The following FAM120A variants were observed in gnomAD, a reference collection of about 807,000 sequenced individuals.
FAM120A encodes constitutive coactivator of PPAR-gamma-like protein 1.
FAM120A carries 15 observed loss-of-function variants against 109.7 expected under a neutral mutation model. The observed-to-expected ratio is 0.14, with a 90% CI of 0.09 to 0.21. FAM120A has a LOEUF of 0.21. FAM120A is among the 10% of genes least tolerant of loss of function. The probability of loss-of-function intolerance (pLI) is 1.00; values close to 1 mark genes in which losing one functional copy is unlikely to be tolerated. For missense variants in FAM120A, 899 were observed against 1,439.3 expected (o/e 0.62, Z 6.07); for synonymous variants, 493 against 572.8 (o/e 0.86, Z 1.99).
At chr9:93,539,798 A>C (rs536574057) in intron 10 of FAM120A, among the ~76,000 whole-genome samples, 1 of 152,358 alleles carries the variant, frequency 6.6e-6, no homozygotes, top group Admixed American at 6.5e-5. Flanking sequence ...GCCCAGAGAG[A>C]GAAGAGCAGC....
chr9:93,518,372 C>T (rs888044538), intron 7 of FAM120A, among the ~76,000 whole-genome samples: 1 of 152,050 alleles, frequency 6.6e-6, no homozygotes, highest in Non-Finnish European at 1.5e-5. Flanking sequence ...ATAATGTGCC[C>T]CTTAGGCTGT....
rs778737606 is a variant in FAM120A at position 93,561,102 on chromosome 9, T to TA, written c.2807-6dup. 6 of 1,612,692 alleles carry TA rather than the reference T, an allele frequency of 3.7e-6. No homozygotes were observed. The highest frequency in any genetic ancestry group is 5.1e-6 in the Non-Finnish European group (6 of 1,179,684). On this transcript the variant is annotated splice_polypyrimidine_tract_variant and splice_region_variant and intron_variant, in intron 15 of 17. Transcript: ENST00000277165. ...AGATTTTGTCTTTTTGTATATTTTT[T>TA]ATGCAGGAGTCCAACCTATACCTTC...
chr9:93,497,041 C>A (rs1449814718), intron 3 of FAM120A, among the ~76,000 whole-genome samples: 3 of 151,454 alleles, frequency 2.0e-5, no homozygotes, highest in Non-Finnish European at 2.9e-5. Context: ...TCTAAAGATT[C>A]TACTTGTGCA....
chr9:93,506,083 A>G (rs940399503), intron 5 of FAM120A, among the ~76,000 whole-genome samples: 2 of 152,200 alleles, frequency 1.3e-5, no homozygotes, highest in Non-Finnish European at 2.9e-5. Flanking sequence ...TCTAGTTGCC[A>G]TAGCCTTGTA....
At chr9:93,551,042 C>T (rs1862078478) in intron 12 of FAM120A, among the ~76,000 whole-genome samples, 1 of 152,152 alleles carries the variant, frequency 6.6e-6, no homozygotes, top group African/African-American at 2.4e-5. Context: ...AGGGCTTGAT[C>T]TTAAGAATTT....
intron 5 of FAM120A, among the ~76,000 whole-genome samples, chr9:93,512,016 T>G (rs1860343786): frequency 6.6e-6 from 1 of 152,264 alleles, no homozygotes; most frequent in East Asian, 1.9e-4. Flanking sequence ...GATCTTGAAC[T>G]CCTGACCTCA....
chr9:93,543,217 T>C lies in FAM120A; in HGVS notation c.1910-5T>C, dbSNP rs749857116. The C allele has an allele frequency of 6.2e-7, 1 of 1,611,572 alleles. No homozygotes were observed. Among genetic ancestry groups the C allele is most frequent in the Admixed American group, 1.7e-5 (1 of 59,880 alleles). ...TGTGTCTTCTCTGGCTTTTTTTTCC[T>C]GTAGTTTCACCAGTGATCATTAAAG... On this transcript the variant is annotated splice_region_variant and splice_polypyrimidine_tract_variant and intron_variant, in intron 10 of 17. Transcript: ENST00000277165.
At chr9:93,455,497 T>A (rs1213883823) in intron 1 of FAM120A, among the ~76,000 whole-genome samples, 6 of 152,196 alleles carry the variant, frequency 3.9e-5, no homozygotes, top group Non-Finnish European at 7.4e-5. Context: ...TGATAATTTT[T>A]TTAAGATTAA....
At chr9:93,462,444 G>T (rs1459867735) in intron 1 of FAM120A, among the ~76,000 whole-genome samples, 1 of 152,138 alleles carries the variant, frequency 6.6e-6, no homozygotes, top group Non-Finnish European at 1.5e-5. Context: ...ACCACACCCA[G>T]CTAATTTTTG....
intron 2 of FAM120A, among the ~76,000 whole-genome samples, chr9:93,472,187 G>A (rs557750657): frequency 1.3e-5 from 2 of 152,018 alleles, no homozygotes; most frequent in South Asian, 2.1e-4. Context: ...TTGAACCAGG[G>A]AGGTGGAGGT....
chr9:93,558,468 G>A (rs1862366879), intron 14 of FAM120A, 113 bp from the exon 15 acceptor site: 3 of 1,336,154 alleles, frequency 2.2e-6, no homozygotes, highest in Non-Finnish European at 3.1e-6. Context: ...GGGGCCAGGA[G>A]ACCCCTCCAT....
At chr9:93,488,232 G>A (rs192611031) in intron 3 of FAM120A, among the ~76,000 whole-genome samples, 1 of 152,100 alleles carries the variant, frequency 6.6e-6, no homozygotes, top group African/African-American at 2.4e-5. Flanking sequence ...CTACCATCTT[G>A]TGTTTCCAAT....
At chr9:93,510,710 C>CT (rs11403805) in intron 5 of FAM120A, among the ~76,000 whole-genome samples, 42,163 of 151,524 alleles carry the variant, frequency 0.28, 6,926 homozygotes, top group East Asian at 0.42. Flanking sequence ...CTGCCTCAGC[C>CT]CCCAGTGTCG....
chr9:93,552,302 CTTTT>C (rs1453734034), intron 12 of FAM120A, among the ~76,000 whole-genome samples: 4 of 152,276 alleles, frequency 2.6e-5, no homozygotes, highest in Admixed American at 1.3e-4. Flanking sequence ...CATTTTGGTT[CTTTT>C]GAGATCTTAG....
chr9:93,497,846 G>A (rs1859638939), intron 4 of FAM120A, among the ~76,000 whole-genome samples: 1 of 152,186 alleles, frequency 6.6e-6, no homozygotes, highest in African/African-American at 2.4e-5. Flanking sequence ...CTGAATAAAA[G>A]GGAGATTCAG....
At chr9:93,503,854 T>TA (rs1859910897) in intron 5 of FAM120A, among the ~76,000 whole-genome samples, 1 of 152,014 alleles carries the variant, frequency 6.6e-6, no homozygotes, top group Non-Finnish European at 1.5e-5. Context: ...TATATATATA[T>TA]TTTAAAGTAA....
chr9:93,460,459 A>G (rs993012143), intron 1 of FAM120A, among the ~76,000 whole-genome samples: 2 of 152,068 alleles, frequency 1.3e-5, no homozygotes, highest in Non-Finnish European at 2.9e-5. Flanking sequence ...GTCCTGCCTC[A>G]GCCTCCCAAG....
At chr9:93,548,192 G>C (rs909662982) in intron 11 of FAM120A, among the ~76,000 whole-genome samples, 4 of 151,952 alleles carry the variant, frequency 2.6e-5, no homozygotes, top group African/African-American at 9.7e-5. Flanking sequence ...TTCAAGCTCC[G>C]TCCTGGGTTC....
At chr9:93,480,368 T>A (rs2131291467) in intron 3 of FAM120A, among the ~76,000 whole-genome samples, 1 of 152,292 alleles carries the variant, frequency 6.6e-6, no homozygotes, top group African/African-American at 2.4e-5. Flanking sequence ...CTGTTGGGAT[T>A]CCTTGCTGCA....
Sources: gnomAD v4.1 joint callset for allele counts (sites outside exome capture counted in the v4.1 genomes callset) on GRCh38, gnomAD v4.1.1 for gene constraint, MANE v1.5 for transcripts, NCBI Gene and HGNC (gene_info 2026-07-23, HGNC 2026-07-21) for gene names.